Variants in LAMA2 observed in about 807,000 individuals in gnomAD.
LAMA2 encodes laminin subunit alpha 2, also known as laminin subunit alpha-2.
A neutral mutation model predicts 364.8 loss-of-function variants in LAMA2; 269 were observed. The observed-to-expected ratio is 0.74, with a 90% CI of 0.67 to 0.82. The LOEUF is 0.82. Among genes scored for constraint, LAMA2 ranks in the 40% least tolerant of loss-of-function variants. The probability of loss-of-function intolerance (pLI) is 0.00; values close to 1 mark genes in which losing one functional copy is unlikely to be tolerated. For missense variants in LAMA2, 3,807 were observed against 3,873.2 expected (o/e 0.98, Z 0.45); for synonymous variants, 1,379 against 1,370.6 (o/e 1.01, Z -0.14).
intron 3 of LAMA2, among the ~76,000 whole-genome samples, chr6:129,083,854 C>A (rs571965897): frequency 6.6e-5 from 10 of 152,276 alleles, no homozygotes; most frequent in South Asian, 2.1e-4. Flanking sequence ...GGACCAAACA[C>A]TGATCTAGGT....
chr6:128,934,261 A>G (rs1056123594), intron 1 of LAMA2, among the ~76,000 whole-genome samples: 3 of 151,948 alleles, frequency 2.0e-5, no homozygotes, highest in Non-Finnish European at 4.4e-5. Flanking sequence ...TTGTGGGTTT[A>G]TTTCTGGGCT....
chr6:129,205,497 C>CAT (rs1562330152), intron 12 of LAMA2, among the ~76,000 whole-genome samples: 7 of 89,652 alleles, frequency 7.8e-5, no homozygotes, highest in East Asian at 2.9e-4. Context: ...TATATATACA[C>CAT]ACACACACAC....
chr6:129,304,780 G>A (rs1215415853), intron 22 of LAMA2, among the ~76,000 whole-genome samples: 1 of 152,126 alleles, frequency 6.6e-6, no homozygotes, highest in African/African-American at 2.4e-5. Context: ...AATTTTCAAG[G>A]TATCGTTACT....
chr6:129,472,295 A>G (rs1452717591), intron 51 of LAMA2, among the ~76,000 whole-genome samples: 1 of 151,976 alleles, frequency 6.6e-6, no homozygotes, highest in Non-Finnish European at 1.5e-5. Flanking sequence ...CAGATCCTAC[A>G]TCAGACAAAG....
At chr6:129,513,334 A>C (rs1219738865) in intron 63 of LAMA2, among the ~76,000 whole-genome samples, 1 of 152,206 alleles carries the variant, frequency 6.6e-6, no homozygotes, top group Non-Finnish European at 1.5e-5. Context: ...GGAGTGAACA[A>C]ATAAGTAACA....
At position 129,192,832 on chromosome 6, in the gene LAMA2, G is replaced by T. The variant is rs1432134849; in HGVS notation, c.1761G>T (p.Pro587=). Reference sequence around the variant, plus strand: ...CGCACAGCTACTACTGGAGCGCGCCGGCTCCCTATCTGGGAAACAAAGTAA... The same window carrying T: ...CGCACAGCTACTACTGGAGCGCGCCTGCTCCCTATCTGGGAAACAAAGTAA... ...ALPHSYYWSA[P]APYLGNKLPA... is the part of the protein sequence containing the mutation. The change falls in exon 12 of 65, where the codon CCG becomes CCT. Residue 587 remains proline (P), a synonymous_variant. Transcript: ENST00000421865. 6.2e-7 allele frequency: 1 copy of T among 1,613,998 alleles called. No homozygotes were observed. Among genetic ancestry groups the T allele is most frequent in the Non-Finnish European group, 8.5e-7 (1 of 1,179,912 alleles).
chr6:129,361,385 A>T (rs1464204471), intron 32 of LAMA2, among the ~76,000 whole-genome samples: 2 of 152,222 alleles, frequency 1.3e-5, no homozygotes, highest in East Asian at 1.9e-4. Flanking sequence ...TGTGTCAGTT[A>T]TCGATTGTAT....
chr6:129,426,422 G>A (rs1030800113), intron 40 of LAMA2, among the ~76,000 whole-genome samples: 3 of 151,850 alleles, frequency 2.0e-5, no homozygotes, highest in Admixed American at 6.6e-5. Flanking sequence ...GGCTTACTTC[G>A]TGAGTTAAAG....
At chr6:128,887,922 A>C (rs190273215) in intron 1 of LAMA2, among the ~76,000 whole-genome samples, 507 of 152,286 alleles carry the variant, frequency 3.3e-3, no homozygotes, top group Non-Finnish European at 5.6e-3. Flanking sequence ...GCAACTTATC[A>C]TCTATCCAGT....
chr6:129,196,930 A>C (rs1781885439), intron 12 of LAMA2, among the ~76,000 whole-genome samples: 1 of 152,154 alleles, frequency 6.6e-6, no homozygotes, highest in East Asian at 1.9e-4. Flanking sequence ...GGAATCCCAA[A>C]GAAACCTAAA....
At chr6:129,046,571 C>T (rs1787518297) in intron 1 of LAMA2, among the ~76,000 whole-genome samples, 1 of 152,194 alleles carries the variant, frequency 6.6e-6, no homozygotes, top group African/African-American at 2.4e-5. Context: ...ATGGGGATTA[C>T]AGGCGCTACA....
chr6:129,306,032 T>C (rs1773847431), intron 22 of LAMA2, among the ~76,000 whole-genome samples: 1 of 152,096 alleles, frequency 6.6e-6, no homozygotes. Flanking sequence ...TCCAGTCCCC[T>C]TTCCTATCCT....
At chr6:129,065,591 C>T (rs1789242255) in intron 3 of LAMA2, among the ~76,000 whole-genome samples, 1 of 151,958 alleles carries the variant, frequency 6.6e-6, no homozygotes, top group East Asian at 1.9e-4. Flanking sequence ...CTAAAATTAG[C>T]AACATTTCCA....
At chr6:129,343,843 G>A (rs1040532060) in intron 30 of LAMA2, among the ~76,000 whole-genome samples, 1 of 152,054 alleles carries the variant, frequency 6.6e-6, no homozygotes, top group Non-Finnish European at 1.5e-5. Flanking sequence ...AGAAATAGTA[G>A]CATGTATAAT....
intron 14 of LAMA2, among the ~76,000 whole-genome samples, chr6:129,257,209 GA>G (rs567998695): frequency 1.7e-4 from 25 of 150,518 alleles, no homozygotes; most frequent in South Asian, 6.3e-4. Context: ...TACTGAAGGG[GA>G]AAAAAAAATA....
At chr6:128,973,096 A>G (rs561216501) in intron 1 of LAMA2, among the ~76,000 whole-genome samples, 1 of 152,298 alleles carries the variant, frequency 6.6e-6, no homozygotes, top group South Asian at 2.1e-4. Context: ...AATGAAAAAA[A>G]AGTTCCTAAA....
intron 4 of LAMA2, among the ~76,000 whole-genome samples, chr6:129,137,052 G>A (rs1445168698): frequency 5.3e-5 from 8 of 152,148 alleles, no homozygotes; most frequent in Admixed American, 3.9e-4. Context: ...AAGCTTAGGG[G>A]TAGAGTTGTC....
intron 49 of LAMA2, among the ~76,000 whole-genome samples, chr6:129,461,664 G>A (rs1209395003): frequency 2.6e-5 from 4 of 152,126 alleles, no homozygotes; most frequent in African/African-American, 9.6e-5. Flanking sequence ...CCATTCAGCA[G>A]TGCATGTCAT....
chr6:129,109,887 A>G (rs1050999961), intron 4 of LAMA2, among the ~76,000 whole-genome samples: 7 of 152,084 alleles, frequency 4.6e-5, no homozygotes, highest in Non-Finnish European at 1.0e-4. Context: ...TCCCATTGTC[A>G]GAAAAGACAG....
Sources: gnomAD v4.1 joint callset for allele counts (sites outside exome capture counted in the v4.1 genomes callset) on GRCh38, gnomAD v4.1.1 for gene constraint, MANE v1.5 for transcripts, NCBI Gene and HGNC (gene_info 2026-07-23, HGNC 2026-07-21) for gene names.